Variants in PCED1B observed in about 807,000 individuals in gnomAD.
PCED1B encodes PC-esterase domain containing 1B, also known as PC-esterase domain-containing protein 1B.
For missense variants in PCED1B, 573 were observed against 573.9 expected, an observed-to-expected ratio of 1.00 and a Z score of 0.02; for synonymous variants, 251 against 246.1, an observed-to-expected ratio of 1.02 and a Z score of -0.19.
chr12:47,086,360 TAAA>T lies in PCED1B; in HGVS notation c.-609+6656_-609+6658del, dbSNP rs3045485. ...AAAGTACTGTACTATGTGCTTATGG[TAAA>T]AAAAAAAAAAAAAAAAAAAAGGAAG... On this transcript the variant is annotated intron_variant, in intron 1 of 3. Coordinates refer to ENST00000546455, the MANE Select transcript of PCED1B (RefSeq NM_138371.3). Among the ~76,000 whole-genome samples, 314 of 95,476 alleles carry T rather than the reference TAAA, an allele frequency of 3.3e-3. 3 individuals carry two copies. The highest frequency in any genetic ancestry group is 0.012 in the African/African-American group (260 of 21,840). 62.6% of individuals were successfully genotyped at this position (95,476 alleles called of 152,430 possible). A position where few individuals can be genotyped will look rare whatever the true frequency, so the allele number is the denominator to read the frequency against.
chr12:47,129,348 C>T (rs918700467), intron 2 of PCED1B, among the ~76,000 whole-genome samples: 2 of 151,900 alleles, frequency 1.3e-5, no homozygotes, highest in Non-Finnish European at 2.9e-5. Flanking sequence ...TGGCTTGAGC[C>T]TGTGGTCTTA....
chr12:47,096,681 T>C (rs1467456758), intron 1 of PCED1B, among the ~76,000 whole-genome samples: 1 of 152,176 alleles, frequency 6.6e-6, no homozygotes, highest in Non-Finnish European at 1.5e-5. Context: ...AAACCAATAT[T>C]TAAAAGTAGA....
chr12:47,159,189 T>A (rs1941291624), intron 2 of PCED1B, among the ~76,000 whole-genome samples: 1 of 152,224 alleles, frequency 6.6e-6, no homozygotes, highest in African/African-American at 2.4e-5. Context: ...CTATTGTGAA[T>A]ACTGCAGTAA....
intron 3 of PCED1B, among the ~76,000 whole-genome samples, chr12:47,222,507 A>G (rs1006926598): frequency 9.9e-5 from 15 of 151,578 alleles, no homozygotes; most frequent in African/African-American, 1.5e-4. Flanking sequence ...CTACCCCTCC[A>G]ACCCCAGATA....
chr12:47,162,598 A>G (rs1394911026), intron 2 of PCED1B, among the ~76,000 whole-genome samples: 1 of 152,216 alleles, frequency 6.6e-6, no homozygotes, highest in African/African-American at 2.4e-5. Flanking sequence ...GCCTAAAATC[A>G]TGATGGAAGG....
At chr12:47,119,011 C>T (rs1353236203) in intron 2 of PCED1B, among the ~76,000 whole-genome samples, 1 of 151,928 alleles carries the variant, frequency 6.6e-6, no homozygotes, top group African/African-American at 2.4e-5. Context: ...TACAAAACAA[C>T]TGTATTGGTA....
chr12:47,092,278 T>A (rs1263010486), intron 1 of PCED1B, among the ~76,000 whole-genome samples: 1 of 151,952 alleles, frequency 6.6e-6, no homozygotes, highest in African/African-American at 2.4e-5. Context: ...TTTCTAGGTG[T>A]TTGAGTTTTT....
chr12:47,228,901 G>A (rs1269691123), intron 3 of PCED1B, among the ~76,000 whole-genome samples: 1 of 150,952 alleles, frequency 6.6e-6, no homozygotes, highest in Non-Finnish European at 1.5e-5. Flanking sequence ...TCATGAAGAG[G>A]TAATGTTGGT....
intron 2 of PCED1B, among the ~76,000 whole-genome samples, chr12:47,142,825 C>T (rs1444120741): frequency 6.6e-6 from 1 of 151,834 alleles, no homozygotes. Context: ...ATAAAGAAGC[C>T]ATGCGATACT....
chr12:47,229,930 C>T (rs371435338), intron 3 of PCED1B, among the ~76,000 whole-genome samples: 162 of 151,554 alleles, frequency 1.1e-3, no homozygotes, highest in African/African-American at 3.7e-3. Flanking sequence ...CCACCACACC[C>T]GGCTAATATT....
intron 2 of PCED1B, among the ~76,000 whole-genome samples, chr12:47,122,757 GT>G (rs1475026210): frequency 6.6e-6 from 1 of 152,226 alleles, no homozygotes; most frequent in Non-Finnish European, 1.5e-5. Flanking sequence ...TGATTTACAA[GT>G]CTGTCTTGCT....
chr12:47,158,052 T>C (rs928104052), intron 2 of PCED1B, among the ~76,000 whole-genome samples: 2 of 152,238 alleles, frequency 1.3e-5, no homozygotes, highest in East Asian at 3.8e-4. Context: ...TTGATGAATA[T>C]ATTTGTTGAT....
chr12:47,216,122 T>C (rs1943253364), intron 2 of PCED1B, 100 bp from the exon 3 acceptor site: 1 of 152,194 alleles, frequency 6.6e-6, no homozygotes, highest in African/African-American at 2.4e-5. Flanking sequence ...AACACAAGAT[T>C]ACTACTATTA....
intron 2 of PCED1B, among the ~76,000 whole-genome samples, chr12:47,196,683 CT>C (rs1020881466): frequency 4.2e-4 from 64 of 152,124 alleles, no homozygotes; most frequent in Non-Finnish European, 2.6e-4. Flanking sequence ...CAAAAATTAT[CT>C]GGGCGTGGTG....
At chr12:47,190,323 A>C (rs1485924273) in intron 2 of PCED1B, among the ~76,000 whole-genome samples, 1 of 152,210 alleles carries the variant, frequency 6.6e-6, no homozygotes, top group African/African-American at 2.4e-5. Flanking sequence ...TCAGTTTCCA[A>C]AATAGATACA....
chr12:47,209,452 C>T (rs1943012929), intron 2 of PCED1B: 1 of 152,084 alleles, frequency 6.6e-6, no homozygotes, highest in South Asian at 2.1e-4. Flanking sequence ...TGCCATCGCA[C>T]TCCAGCCTGG....
intron 3 of PCED1B, among the ~76,000 whole-genome samples, chr12:47,217,197 T>C (rs1943285417): frequency 6.6e-6 from 1 of 151,770 alleles, no homozygotes; most frequent in Admixed American, 6.6e-5. Flanking sequence ...GAGTCTAAGT[T>C]CAAGACCAGC....
chr12:47,222,976 AG>A (rs2137845297), intron 3 of PCED1B, among the ~76,000 whole-genome samples: 1 of 152,316 alleles, frequency 6.6e-6, no homozygotes, highest in East Asian at 1.9e-4. Flanking sequence ...TGGGGCAAAT[AG>A]GGACATAGGG....
At position 47,236,544 on chromosome 12, in the gene PCED1B, T is replaced by C; in HGVS notation, c.*182T>C. 1 of 619,606 alleles carries C rather than the reference T, an allele frequency of 1.6e-6. No homozygotes were observed. The allele number at this position is 619,606 out of a possible 1,614,324, so 38.4% of individuals were successfully genotyped here. ...GGAAGAGCAGCCTGACTCATTCTTC[T>C]TGGCTGCAGCCTCTTCCCCACTTCC... On this transcript the variant is annotated 3_prime_UTR_variant, in exon 4 of 4. Transcript: ENST00000546455.
Sources: allele counts gnomAD v4.1 joint callset (sites outside exome capture counted in the v4.1 genomes callset), GRCh38; gene constraint gnomAD v4.1.1; transcripts MANE v1.5; gene names NCBI Gene and HGNC (gene_info 2026-07-23, HGNC 2026-07-21).